Variants in ANKRD18A observed in about 807,000 individuals in gnomAD.
ANKRD18A encodes the protein ankyrin repeat domain 18A.
A neutral mutation model predicts 110.6 loss-of-function variants in ANKRD18A; 72 were observed. That is an observed-to-expected ratio of 0.65 (90% CI 0.54 to 0.79). The LOEUF (loss-of-function observed/expected upper bound fraction) is 0.79, where lower values mean the gene tolerates loss of function less well. Among genes scored for constraint, ANKRD18A ranks in the 30% least tolerant of loss-of-function variants. ANKRD18A has a pLI of 0.00. For synonymous variants in ANKRD18A, 305 were observed against 410.3 expected (o/e 0.74, Z 3.10); for missense variants, 934 against 1,163.3 (o/e 0.80, Z 2.87).
intron 11 of ANKRD18A, among the ~76,000 whole-genome samples, chr9:38,586,521 G>A (rs1391584988): frequency 6.6e-6 from 1 of 151,592 alleles, no homozygotes; most frequent in African/African-American, 2.4e-5. Context: ...GGTATATATA[G>A]CAGGTAAAGT....
At chr9:38,618,715 G>A (rs912491213) in intron 1 of ANKRD18A, among the ~76,000 whole-genome samples, 2 of 152,032 alleles carry the variant, frequency 1.3e-5, no homozygotes, top group African/African-American at 4.8e-5. Context: ...CTTATCTTAT[G>A]AGAAACACTA....
chr9:38,605,326 A>G, intron 6 of ANKRD18A, among the ~76,000 whole-genome samples: 1 of 152,300 alleles, frequency 6.6e-6, no homozygotes, highest in Non-Finnish European at 1.5e-5. Flanking sequence ...AACTCTGTTG[A>G]AAAAACACAA....
At chr9:38,586,405 AAAC>A (rs1285405288) in intron 11 of ANKRD18A, 93 bp from the exon 12 acceptor site, 2 of 1,146,064 alleles carry the variant, frequency 1.7e-6, no homozygotes, top group African/African-American at 3.2e-5. Flanking sequence ...CATATCAAAG[AAAC>A]AAATCTATAA....
downstream of ANKRD18A, among the ~76,000 whole-genome samples, chr9:38,570,093 C>T (rs1023215805): frequency 6.6e-6 from 1 of 152,082 alleles, no homozygotes; most frequent in African/African-American, 2.4e-5. Context: ...ACCAGGTGGC[C>T]CCAACGAGGC....
chr9:38,586,259 T>A lies in ANKRD18A; in HGVS notation c.2171A>T (p.Glu724Val), dbSNP rs1437514872. ...TINMLNAFAN[E>V]DFSCHGDLNT... ...TAAGTCTCCATGGCAACTGAAGTCCTCATTTGCAAATGCATTTAACATATT... is the reference window on the plus strand; with the variant it reads ...TAAGTCTCCATGGCAACTGAAGTCCACATTTGCAAATGCATTTAACATATT... Residue 724 changes from glutamate to valine, a missense_variant, in exon 12 of 16, where the codon GAG becomes GTG. Glu to Val is a moderately radical substitution (Grantham distance 121). Coordinates refer to ENST00000399703, the MANE Select transcript of ANKRD18A (RefSeq NM_147195.4). 1 of 1,607,554 alleles carries A rather than the reference T, an allele frequency of 6.2e-7. No homozygotes were observed. The highest frequency in any genetic ancestry group is 8.5e-7 in the Non-Finnish European group (1 of 1,176,468).
rs1341358749 is a variant in ANKRD18A at position 38,603,232 on chromosome 9, G to A, written c.809-20C>T. 1 of 1,550,678 alleles carries A rather than the reference G, an allele frequency of 6.4e-7. No homozygotes were observed. The highest frequency in any genetic ancestry group is 8.7e-7 in the Non-Finnish European group (1 of 1,146,476). On this transcript the variant is annotated intron_variant, in intron 6 of 15. Coordinates refer to ENST00000399703, the MANE Select transcript of ANKRD18A (RefSeq NM_147195.4). ...CTGTTTCTGTCAAACATGCAAACTT[G>A]TTAGATATTCCTTCTGGAAAACATC...
intron 8 of ANKRD18A, among the ~76,000 whole-genome samples, chr9:38,598,274 T>A (rs147297522): frequency 0.045 from 6,825 of 152,288 alleles, 179 homozygotes; most frequent in African/African-American, 0.06. Context: ...TCACATGGTA[T>A]ATGGCCAAAT....
In ANKRD18A at chr9:38,578,165, A is replaced by C. The variant is rs777213633; in HGVS notation, c.2248-17T>G. 1.8e-5 allele frequency: 28 copies of C among 1,527,604 alleles called. No individual in the cohort carries two copies. In the South Asian group the frequency reaches 3.4e-4, roughly 19 times the overall value. 94.6% of individuals were successfully genotyped at this position (1,527,604 alleles called of 1,614,324 possible). ...ATCATTAAACTGCATTAAGAAAATA[A>C]TAGAGCTTGATAATGAAGTAGGCTG... On this transcript the variant is annotated splice_polypyrimidine_tract_variant and intron_variant, in intron 12 of 15. Coordinates refer to ENST00000399703, the MANE Select transcript of ANKRD18A (RefSeq NM_147195.4).
Position 38,595,977 on chromosome 9 carries a change from G to A in ANKRD18A, c.1363C>T (p.His455Tyr). 3 of 1,549,486 alleles carry A rather than the reference G, an allele frequency of 1.9e-6. No individual in the cohort carries two copies. The highest frequency in any genetic ancestry group is 1.2e-5 in the South Asian group (1 of 83,586). Residue 455 changes from histidine to tyrosine, a missense_variant, in exon 9 of 16, where the codon CAT becomes TAT. His to Tyr is a moderately conservative substitution (Grantham distance 83, BLOSUM62 2). Transcript: ENST00000399703. ...VLWRADDVSR[H>Y]EKMGSNISQL... ...GAAATATTAGAACCCATTTTTTCAT[G>A]TCTAGAAACATCATCTGCTCTCCAT...
chr9:38,588,571 T>G lies in ANKRD18A; in HGVS notation c.2097A>C (p.Glu699Asp), dbSNP rs1367732473. 7.2e-7 allele frequency: 1 copy of G among 1,379,390 alleles called. No homozygotes were observed. The highest frequency in any genetic ancestry group is 2.8e-5 in the East Asian group (1 of 35,472). 85.4% of individuals were successfully genotyped at this position (1,379,390 alleles called of 1,614,324 possible). The change falls in exon 11 of 16, where the codon GAA (glutamate) becomes GAC (aspartate). Residue 699 changes from glutamate to aspartate, a missense_variant. Physicochemically the swap from Glu to Asp is conservative, Grantham distance 45. Transcript: ENST00000399703. ...TADQIRKKNR[E>D]LEEEATGYKK... ...CATACCCAGTTGCCTCTTCTTCTAA[T>G]TCACGATTTTTCTTTCTTATTTGGT...
rs1824848428 is a variant in ANKRD18A at position 38,595,710 on chromosome 9, C to T, written c.1630G>A (p.Glu544Lys). 1.9e-6 allele frequency: 3 copies of T among 1,551,382 alleles called. No individual in the cohort carries two copies. Among genetic ancestry groups the T allele is most frequent in the Non-Finnish European group, 2.6e-6 (3 of 1,146,694 alleles). Residue 544 changes from glutamate (E) to lysine (K), a missense_variant, in exon 9 of 16, where the codon GAG becomes AAG. Around this residue, in one of 4 missense-constraint regions of ANKRD18A, gnomAD observed 630 missense variants for 797.5 expected, o/e 0.79. Transcript: ENST00000399703. ...TCAAGTTCTTGTTGACGTATTCTCT[C>T]CTCTAAAGAGTTCTGCTTTCCAATG... Reference protein sequence around the residue: ...QSIGKQNSLEERIRQQELENL... With the variant: ...QSIGKQNSLEKRIRQQELENL...
intron 12 of ANKRD18A, among the ~76,000 whole-genome samples, chr9:38,583,501 T>C (rs1824249517): frequency 6.6e-6 from 1 of 152,170 alleles, no homozygotes; most frequent in Non-Finnish European, 1.5e-5. Flanking sequence ...GCAATTCTCC[T>C]GCCTCAGTCT....
In ANKRD18A at chr9:38,596,056, A is replaced by C; in HGVS notation, c.1284T>G (p.Thr428=). 6.4e-7 allele frequency: 1 copy of C among 1,551,356 alleles called. No homozygotes were observed. The highest frequency in any genetic ancestry group is 8.7e-7 in the Non-Finnish European group (1 of 1,146,724). The change falls in exon 9 of 16, where the codon ACT becomes ACG. Residue 428 remains threonine, a synonymous_variant. Transcript: ENST00000399703. ...EVESLHSSLA[T]AINEYNEIVE... ...CAATTTCATTGTACTCATTTATAGC[A>C]GTGGCCAGGCTAGAATGGAGGGATT... is the stretch of plus-strand genomic sequence containing the variant.
At chr9:38,566,902 A>C (rs1212692835), downstream of ANKRD18A, 1 of 152,186 alleles carries the variant, frequency 6.6e-6, no homozygotes, top group Non-Finnish European at 1.5e-5. Context: ...TTCATGAGAA[A>C]TTTGCCTTCA....
chr9:38,596,530 G>T, intron 8 of ANKRD18A, 127 bp from the exon 9 acceptor site: 1 of 858,184 alleles, frequency 1.2e-6, no homozygotes, highest in Non-Finnish European at 1.6e-6. Context: ...TATCCAACTG[G>T]AGAAAAAGTT....
chr9:38,575,653 C>T lies in ANKRD18A; in HGVS notation c.2787G>A (p.Glu929=). The T allele has an allele frequency of 6.4e-7, 1 of 1,551,780 alleles. No homozygotes were observed. Among genetic ancestry groups the T allele is most frequent in the Non-Finnish European group, 8.7e-7 (1 of 1,146,870 alleles). Residue 929 remains glutamate, a synonymous_variant, in exon 15 of 16, where the codon GAG becomes GAA. Coordinates refer to ENST00000399703, the MANE Select transcript of ANKRD18A (RefSeq NM_147195.4). ...IAVISTKLFT[E]KQRMKYFLST... is the part of the protein sequence containing the mutation. Reference sequence around the variant, plus strand: ...TGAGAAAATATTTCATCCGCTGTTTCTCCGTAAAGAGCTTGGTGCTGATCA... The same window carrying T: ...TGAGAAAATATTTCATCCGCTGTTTTTCCGTAAAGAGCTTGGTGCTGATCA...
chr9:38,575,364 A>G, intron 15 of ANKRD18A, 112 bp downstream of exon 15: 1 of 1,175,802 alleles, frequency 8.5e-7, no homozygotes, highest in Non-Finnish European at 1.2e-6. Flanking sequence ...ACAGCTAATT[A>G]TAATCTTTAC....
Position 38,616,049 on chromosome 9 carries a change from G to A in ANKRD18A, c.207-5C>T, listed in dbSNP as rs1825843742. ...CAGGCCAAATGTAGAACAGTCCTAG[G>A]AGAGCGAGAGGGGTTTTCAGGAAAT... On this transcript the variant is annotated splice_polypyrimidine_tract_variant and splice_region_variant and intron_variant, in intron 1 of 15. Transcript: ENST00000399703. 2 of 1,546,468 alleles carry A rather than the reference G, an allele frequency of 1.3e-6. No homozygotes were observed. Among genetic ancestry groups the A allele is most frequent in the South Asian group, 1.2e-5 (1 of 81,336 alleles).
chr9:38,577,941 G>C lies in ANKRD18A; in HGVS notation c.2455C>G (p.Leu819Val). ...MEKDMVELGK[L>V]QEYKSELDER... ...TCCAGCTCCGATTTATATTCTTGTA[G>C]TTTACCAAGTTCTACCATATCTTTT... The change falls in exon 13 of 16, where the codon CTA (leucine) becomes GTA (valine). Residue 819 changes from leucine to valine, a missense_variant. Around this residue, in one of 4 missense-constraint regions of ANKRD18A, gnomAD observed 223 missense variants for 226.7 expected, o/e 0.98. Coordinates refer to ENST00000399703, the MANE Select transcript of ANKRD18A (RefSeq NM_147195.4). 6.3e-7 allele frequency: 1 copy of C among 1,592,348 alleles called. No individual in the cohort carries two copies. Among genetic ancestry groups the C allele is most frequent in the East Asian group, 2.3e-5 (1 of 43,892 alleles).
Sources: gnomAD v4.1 joint callset for allele counts (sites outside exome capture counted in the v4.1 genomes callset) on GRCh38, gnomAD v4.1.1 for gene constraint, gnomAD v4.1.1 regional missense constraint, MANE v1.5 for transcripts, NCBI Gene and HGNC (gene_info 2026-07-23, HGNC 2026-07-21) for gene names.